OTUD7A: variants seen among roughly 807,000 people sequenced by gnomAD.
OTUD7A encodes OTU deubiquitinase 7A, also known as OTU domain-containing protein 7A.
A neutral mutation model predicts 65.7 loss-of-function variants in OTUD7A; 12 were observed. The ratio of observed to expected loss-of-function variants is 0.18; its 90% CI spans 0.12 to 0.30. The LOEUF (loss-of-function observed/expected upper bound fraction) is 0.30. OTUD7A is among the 10% of genes least tolerant of loss of function. The pLI, the probability that OTUD7A is intolerant of heterozygous loss-of-function variation, is 1.00. For missense variants in OTUD7A, 1,148 were observed against 1,304.8 expected (o/e 0.88, Z 1.85); for synonymous variants, 641 against 586.3 (o/e 1.09, Z -1.35).
chr15:31,625,865 T>C (rs977874076), intron 3 of OTUD7A, among the ~76,000 whole-genome samples: 17 of 152,202 alleles, frequency 1.1e-4, no homozygotes, highest in Non-Finnish European at 1.9e-4. Flanking sequence ...GAACTGCTAA[T>C]ATACTCAACA....
At chr15:31,805,446 C>A (rs909658146) in intron 1 of OTUD7A, among the ~76,000 whole-genome samples, 1 of 152,186 alleles carries the variant, frequency 6.6e-6, no homozygotes, top group Non-Finnish European at 1.5e-5. Context: ...GCAGGAAGGG[C>A]CTGACGCGTG....
intron 1 of OTUD7A, among the ~76,000 whole-genome samples, chr15:31,681,540 G>C (rs1892718092): frequency 6.6e-6 from 1 of 151,782 alleles, no homozygotes; most frequent in East Asian, 1.9e-4. Flanking sequence ...GTATGCCTAT[G>C]AATGTATTTA....
Position 31,482,404 on chromosome 15 carries a change from C to G in OTUD7A, c.*890G>C, listed in dbSNP as rs1566876068. The G allele has an allele frequency of 6.6e-6, 1 of 152,324 alleles. No homozygotes were observed. Among genetic ancestry groups the G allele is most frequent in the Non-Finnish European group, 1.5e-5 (1 of 68,106 alleles). 9.4% of individuals were successfully genotyped at this position (152,324 alleles called of 1,614,324 possible). A position where few individuals can be genotyped will look rare whatever the true frequency, so the allele number is the denominator to read the frequency against. On this transcript the variant is annotated 3_prime_UTR_variant, in exon 13 of 13. Transcript: ENST00000307050. The stretch of plus-strand genomic sequence containing the variant: ...TGTCTCCCGGGGCACCGATGGTCAC[C>G]GCCCAGGGGCCCGCCAGCGACAGTC...
intron 3 of OTUD7A, among the ~76,000 whole-genome samples, chr15:31,586,903 G>C (rs1368232006): frequency 2.6e-5 from 4 of 151,948 alleles, no homozygotes; most frequent in African/African-American, 7.3e-5. Flanking sequence ...GCTTGCTGAA[G>C]GGCTCCAGCC....
At chr15:31,523,920 C>T (rs765010984) in intron 8 of OTUD7A, among the ~76,000 whole-genome samples, 7 of 152,206 alleles carry the variant, frequency 4.6e-5, no homozygotes, top group South Asian at 2.1e-4. Flanking sequence ...CACAGCTGCA[C>T]GGGTGCCTTG....
At chr15:31,566,107 T>C (rs11857209) in intron 4 of OTUD7A, among the ~76,000 whole-genome samples, 9,651 of 150,796 alleles carry the variant, frequency 0.064, 334 homozygotes, top group Middle Eastern at 0.086. Flanking sequence ...AGGAGAATGG[T>C]GTGAACCCAT....
Position 31,564,578 on chromosome 15 carries a change from A to G in OTUD7A, c.332-5391T>C, listed in dbSNP as rs77631149. On this transcript the variant is annotated intron_variant, in intron 4 of 12. Transcript: ENST00000307050. ...GAAAATATAGTTGTTAAGTTTTTAA[A>G]AATAATAGGAAGAAAACCAAAATAA... Among the ~76,000 whole-genome samples, 1,382 of 152,220 alleles carry G rather than the reference A, an allele frequency of 9.1e-3. 28 individuals carry two copies. Among genetic ancestry groups the G allele is most frequent in the African/African-American group, 0.032 (1,330 of 41,550 alleles).
At chr15:31,556,241 C>T (rs1566918054) in intron 5 of OTUD7A, 3 of 152,272 alleles carry the variant, frequency 2.0e-5, no homozygotes, top group Non-Finnish European at 2.9e-5. Flanking sequence ...AATTGCACCA[C>T]AAGCACCTTT....
intron 1 of OTUD7A, among the ~76,000 whole-genome samples, chr15:31,761,869 C>A (rs1308739636): frequency 6.6e-6 from 1 of 152,058 alleles, no homozygotes; most frequent in Non-Finnish European, 1.5e-5. Context: ...CATGGATGAA[C>A]CTTGAAAACA....
chr15:31,599,874 G>A (rs1056183282), intron 3 of OTUD7A, among the ~76,000 whole-genome samples: 1 of 152,030 alleles, frequency 6.6e-6, no homozygotes, highest in Admixed American at 6.6e-5. Context: ...AGTCGATCAA[G>A]CGGAAGAAAG....
At chr15:31,664,782 T>C (rs1892273730) in intron 1 of OTUD7A, among the ~76,000 whole-genome samples, 1 of 152,230 alleles carries the variant, frequency 6.6e-6, no homozygotes, top group African/African-American at 2.4e-5. Flanking sequence ...AGAACTTTTA[T>C]AGTTTCAGGT....
At chr15:31,530,211 G>C (rs967942566) in intron 6 of OTUD7A, among the ~76,000 whole-genome samples, 4 of 152,132 alleles carry the variant, frequency 2.6e-5, no homozygotes, top group African/African-American at 9.7e-5. Context: ...TGTCAACATA[G>C]TGGACCCTCA....
chr15:31,651,554 A>G (rs1375611764), intron 3 of OTUD7A, among the ~76,000 whole-genome samples: 1 of 150,382 alleles, frequency 6.6e-6, no homozygotes, highest in Non-Finnish European at 1.5e-5. Context: ...ATGATCACCT[A>G]TGTAGAAAAT....
rs367981543 is a variant in OTUD7A at position 31,481,123 on chromosome 15, A to G, written c.*2171T>C. ...ATAGCGTGAGAAAGAAAATATCTGA[A>G]TTAGCATAGCCAGTTTTAGAAATTT... is the stretch of plus-strand genomic sequence containing the variant. On this transcript the variant is annotated 3_prime_UTR_variant, in exon 13 of 13. Transcript: ENST00000307050. 9 of 152,362 alleles carry G rather than the reference A, an allele frequency of 5.9e-5. No individual in the cohort carries two copies. In the East Asian group the frequency reaches 1.3e-3, roughly 23 times the overall value. The allele number at this position is 152,362 out of a possible 1,614,324, so 9.4% of individuals were successfully genotyped here. A position where few individuals can be genotyped will look rare whatever the true frequency, so the allele number is the denominator to read the frequency against.
chr15:31,483,548 CCCCCGCCGT>C lies in OTUD7A; in HGVS notation c.2539_2547del (p.Thr847_Gly849del), dbSNP rs534528969. ...TAGGTCTGCGACTTGTGCTCGGCCGCCCCCGCCGTCCCCGCCGCGCCCGGTAGGGCCCCG... is the reference window on the plus strand; with the variant it reads ...TAGGTCTGCGACTTGTGCTCGGCCGCCCCCGCCGCGCCCGGTAGGGCCCCG... On this transcript the variant is annotated inframe_deletion, in exon 13 of 13. Transcript: ENST00000307050. The C allele has an allele frequency of 5.9e-5, 77 of 1,314,336 alleles. No homozygotes were observed. The African/African-American group carries it at 6.7e-4, about 12-fold the overall frequency. The allele number at this position is 1,314,336 out of a possible 1,614,324, so 81.4% of individuals were successfully genotyped here.
At chr15:31,855,918 A>G (rs1897559802) in intron 1 of OTUD7A, among the ~76,000 whole-genome samples, 1 of 152,194 alleles carries the variant, frequency 6.6e-6, no homozygotes, top group South Asian at 2.1e-4. Flanking sequence ...GTTCCTGGGC[A>G]CTCAGCTAAC....
At chr15:31,515,051 C>T (rs1351745466) in intron 8 of OTUD7A, among the ~76,000 whole-genome samples, 6 of 151,990 alleles carry the variant, frequency 3.9e-5, no homozygotes, top group Non-Finnish European at 7.4e-5. Flanking sequence ...CGTTGAGTGC[C>T]GGCGAGTGAA....
chr15:31,680,493 A>G (rs2338936), intron 1 of OTUD7A, among the ~76,000 whole-genome samples: 17 of 152,236 alleles, frequency 1.1e-4, no homozygotes, highest in Non-Finnish European at 2.4e-4. Context: ...TTATAGCGTG[A>G]TTAAACAATA....
chr15:31,722,022 T>C (rs1893753519), intron 1 of OTUD7A, among the ~76,000 whole-genome samples: 1 of 152,194 alleles, frequency 6.6e-6, no homozygotes. Context: ...GGTCTGCTTG[T>C]GTGAACTTAG....
Sources: gnomAD v4.1 joint callset for allele counts (sites outside exome capture counted in the v4.1 genomes callset) on GRCh38, gnomAD v4.1.1 for gene constraint, MANE v1.5 for transcripts, NCBI Gene and HGNC (gene_info 2026-07-23, HGNC 2026-07-21) for gene names.